Variants in VGLL4 observed in about 807,000 individuals in gnomAD.
VGLL4 encodes transcription cofactor vestigial-like protein 4.
In VGLL4, 7 loss-of-function variants were observed where a neutral mutation model predicts 21.0. That is an observed-to-expected ratio of 0.33 (90% confidence interval 0.19 to 0.63). The LOEUF (loss-of-function observed/expected upper bound fraction) is 0.63, where lower values mean the gene tolerates loss of function less well. Among genes scored for constraint, VGLL4 ranks in the 20% least tolerant of loss-of-function variants. VGLL4 has a pLI of 0.78. For missense variants in VGLL4, 394 were observed against 425.7 expected (o/e 0.93, Z 0.66); for synonymous variants, 222 against 173.2 (o/e 1.28, Z -2.21).
rs1559860577 is a variant in VGLL4 at position 11,564,961 on chromosome 3, T to C, written c.331A>G (p.Ile111Val). The C allele has an allele frequency of 3.8e-6, 6 of 1,558,652 alleles. No homozygotes were observed. Among genetic ancestry groups the C allele is most frequent in the Non-Finnish European group, 5.2e-6 (6 of 1,153,010 alleles). ...ATGGTGGGGGCCACAGCGCGCTCGATGGGGCTGCGGCTCCGCTCCCGGGGG... is the reference window on the plus strand; with the variant it reads ...ATGGTGGGGGCCACAGCGCGCTCGACGGGGCTGCGGCTCCGCTCCCGGGGG... ...RDPRERSRSP[I>V]ERAVAPTMSL... The change falls in exon 3 of 5, where the codon ATC becomes GTC. Residue 111 changes from isoleucine (I) to valine (V), a missense_variant. By Grantham distance (29) the Ile-to-Val change is conservative. Coordinates refer to ENST00000430365, the MANE Select transcript of VGLL4 (RefSeq NM_001128219.3).
At chr3:11,605,555 T>G (rs1417946869) in intron 1 of VGLL4, among the ~76,000 whole-genome samples, 1 of 151,990 alleles carries the variant, frequency 6.6e-6, no homozygotes, top group Admixed American at 6.6e-5. Flanking sequence ...AGTTCATACA[T>G]CCTGCAAAAC....
intron 1 of VGLL4, 60 bp from the exon 2 acceptor site, chr3:11,602,082 C>G: frequency 7.0e-7 from 1 of 1,420,572 alleles, no homozygotes; most frequent in Non-Finnish European, 9.2e-7. Context: ...CTCAGTCCCC[C>G]AGGCTCCCCG....
At chr3:11,630,603 G>C (rs574573280) in intron 1 of VGLL4, among the ~76,000 whole-genome samples, 1 of 152,004 alleles carries the variant, frequency 6.6e-6, no homozygotes, top group Non-Finnish European at 1.5e-5. Flanking sequence ...CCAAGATCAC[G>C]CCACTACACT....
At chr3:11,707,559 T>A (rs74593885) in intron 1 of VGLL4, among the ~76,000 whole-genome samples, 4,016 of 138,542 alleles carry the variant, frequency 0.029, 180 homozygotes, top group African/African-American at 0.1. Context: ...AAAAAAAAAA[T>A]GGTCTTCCAG....
intron 1 of VGLL4, among the ~76,000 whole-genome samples, chr3:11,638,279 G>A (rs1032368835): frequency 1.3e-5 from 2 of 152,258 alleles, no homozygotes; most frequent in African/African-American, 2.4e-5. Flanking sequence ...GAGGAAGGAG[G>A]GAGGAAGACA....
chr3:11,656,511 G>A (rs1321385485), intron 2 of VGLL4, among the ~76,000 whole-genome samples: 7 of 152,186 alleles, frequency 4.6e-5, no homozygotes, highest in Non-Finnish European at 1.0e-4. Context: ...GGGGCTGGCA[G>A]AGCTCAGCCT....
chr3:11,559,841 C>G (rs1013139659), intron 3 of VGLL4, among the ~76,000 whole-genome samples: 4 of 152,214 alleles, frequency 2.6e-5, no homozygotes, highest in African/African-American at 9.7e-5. Flanking sequence ...ATCATGTCCA[C>G]TGAGCCGCGG....
At chr3:11,571,348 A>G (rs892298305) in intron 2 of VGLL4, among the ~76,000 whole-genome samples, 1 of 152,222 alleles carries the variant, frequency 6.6e-6, no homozygotes, top group African/African-American at 2.4e-5. Flanking sequence ...AGCCAGCATC[A>G]CTGCCACAAC....
chr3:11,632,290 G>C (rs1553734942), intron 1 of VGLL4, among the ~76,000 whole-genome samples: 1 of 151,108 alleles, frequency 6.6e-6, no homozygotes, highest in Non-Finnish European at 1.5e-5. Flanking sequence ...TCCAGCCTGG[G>C]TGACAGAGCA....
At chr3:11,631,141 T>C (rs1277835304) in intron 1 of VGLL4, among the ~76,000 whole-genome samples, 1 of 152,160 alleles carries the variant, frequency 6.6e-6, no homozygotes, top group Non-Finnish European at 1.5e-5. Flanking sequence ...TTATACGACG[T>C]TCAAGACCAG....
intron 2 of VGLL4, among the ~76,000 whole-genome samples, chr3:11,688,734 G>A (rs2125389681): frequency 6.6e-6 from 1 of 152,244 alleles, no homozygotes; most frequent in South Asian, 2.1e-4. Flanking sequence ...AAAGATAAAA[G>A]TAGACTGGGC....
At position 11,653,453 on chromosome 3, in the gene VGLL4, T is replaced by C. The variant is rs1466591075; in HGVS notation, c.64+49518A>G. 6.6e-6 allele frequency among the ~76,000 whole-genome samples: 1 copy of C among 152,222 alleles called. No individual in the cohort carries two copies. Among genetic ancestry groups the C allele is most frequent in the East Asian group, 1.9e-4 (1 of 5,202 alleles). ...TTTATGAGTGGTAGCATTATTTTTATGTGCAGTTGCATAGCATTCATTTGC... is the reference window on the plus strand; with the variant it reads ...TTTATGAGTGGTAGCATTATTTTTACGTGCAGTTGCATAGCATTCATTTGC... On this transcript the variant is annotated intron_variant, in intron 2 of 5. Transcript: ENST00000273038. This position sits in a 1 kb window ranked among gnomAD's most constrained non-coding sequence, Gnocchi z 4.2.
In VGLL4 at chr3:11,653,872, C is replaced by T. The variant is rs1368930532; in HGVS notation, c.64+49099G>A. On this transcript the variant is annotated intron_variant, in intron 2 of 5. Transcript: ENST00000273038. This position sits in a 1 kb window ranked among gnomAD's most constrained non-coding sequence, Gnocchi z 4.2. ...GCACTTCTCTGATGGACAGTAAGAA[C>T]TCTGTGACACTTGTAGCAGGCAGAG... is the stretch of plus-strand genomic sequence containing the variant. 6.6e-6 allele frequency among the ~76,000 whole-genome samples: 1 copy of T among 152,192 alleles called. No homozygotes were observed. Among genetic ancestry groups the T allele is most frequent in the East Asian group, 1.9e-4 (1 of 5,198 alleles).
chr3:11,590,391 A>G (rs2074459065), intron 2 of VGLL4, among the ~76,000 whole-genome samples: 1 of 152,158 alleles, frequency 6.6e-6, no homozygotes, highest in Admixed American at 6.5e-5. Flanking sequence ...GCTTGTTTCT[A>G]TGTAGATTCA....
chr3:11,588,841 C>A (rs1575421667), intron 2 of VGLL4, among the ~76,000 whole-genome samples: 2 of 152,240 alleles, frequency 1.3e-5, no homozygotes, highest in East Asian at 3.8e-4. Flanking sequence ...ACACATACAA[C>A]ACCCAGTGAG....
At chr3:11,704,379 G>A (rs1387993673) in intron 1 of VGLL4, among the ~76,000 whole-genome samples, 3 of 40,028 alleles carry the variant, frequency 7.5e-5, no homozygotes, top group African/African-American at 2.2e-4. Context: ...GGGAAACTCC[G>A]TCTCAAAAAA....
At chr3:11,687,872 G>A (rs571497308) in intron 2 of VGLL4, among the ~76,000 whole-genome samples, 4 of 152,200 alleles carry the variant, frequency 2.6e-5, no homozygotes, top group African/African-American at 9.6e-5. Context: ...TGCTACTTGA[G>A]TTGTGTCTTG....
At position 11,668,028 on chromosome 3, in the gene VGLL4, AT is replaced by A. The variant is rs371554255; in HGVS notation, c.64+34942del. Among the ~76,000 whole-genome samples, 6 of 150,484 alleles carry A rather than the reference AT, an allele frequency of 4.0e-5. No individual in the cohort carries two copies. In the East Asian group the frequency reaches 9.8e-4, roughly 25 times the overall value. On this transcript the variant is annotated intron_variant, in intron 2 of 5. Transcript: ENST00000273038. ...ACCACCACGCCTGGCTAATTTTTGT[AT>A]TTTTTTGTAGAGACCGGGTTTCACC...
At chr3:11,589,723 G>C (rs1227586628) in intron 2 of VGLL4, among the ~76,000 whole-genome samples, 1 of 152,202 alleles carries the variant, frequency 6.6e-6, no homozygotes, top group African/African-American at 2.4e-5. Context: ...CAGCATGGTT[G>C]GTGACTGGTG....
Sources: gnomAD v4.1 joint callset for allele counts (sites outside exome capture counted in the v4.1 genomes callset) on GRCh38, gnomAD v4.1.1 for gene constraint, Gnocchi (gnomAD v3.1) non-coding constraint, MANE v1.5 for transcripts, NCBI Gene and HGNC (gene_info 2026-07-23, HGNC 2026-07-21) for gene names.